Variants in GLRA1 observed in about 807,000 individuals in gnomAD.
GLRA1 encodes glycine receptor subunit alpha-1.
A neutral mutation model predicts 48.3 loss-of-function variants in GLRA1; 37 were observed. The observed-to-expected ratio is 0.77, with a 90% confidence interval of 0.59 to 1.01. The LOEUF (loss-of-function observed/expected upper bound fraction) is 1.01. GLRA1 is among the 50% of genes least tolerant of loss of function. GLRA1 has a pLI of 0.00. For missense variants in GLRA1, 427 were observed against 571.0 expected (o/e 0.75, Z 2.57); for synonymous variants, 196 against 210.7 (o/e 0.93, Z 0.60).
At chr5:151,883,273 T>C (rs191852753) in intron 3 of GLRA1, among the ~76,000 whole-genome samples, 129 of 152,346 alleles carry the variant, frequency 8.5e-4, no homozygotes, top group Non-Finnish European at 1.6e-3. Flanking sequence ...TTACTTACTA[T>C]TTTCTCTTGA....
At position 151,846,101 on chromosome 5, in the gene GLRA1, C is replaced by T. The variant is rs1050448132; in HGVS notation, c.912+5289G>A. On this transcript the variant is annotated intron_variant, in intron 7 of 8. Coordinates refer to ENST00000274576, the MANE Select transcript of GLRA1 (RefSeq NM_000171.4). ...GTGACTGTTGGAGGGTATGGATTTT[C>T]TTTCTGGGTGATGAAAATGTTCTGG... Among the ~76,000 whole-genome samples, 4 of 152,224 alleles carry T rather than the reference C, an allele frequency of 2.6e-5. No homozygotes were observed. The East Asian group carries it at 7.7e-4, about 29-fold the overall frequency.
At chr5:151,888,199 C>T (rs1226886113) in intron 2 of GLRA1, among the ~76,000 whole-genome samples, 2 of 152,004 alleles carry the variant, frequency 1.3e-5, no homozygotes, top group South Asian at 2.1e-4. Context: ...CTCTGGCACC[C>T]ATTGCATTCT....
At chr5:151,901,049 TAGTC>T (rs972912731) in intron 1 of GLRA1, among the ~76,000 whole-genome samples, 3 of 152,202 alleles carry the variant, frequency 2.0e-5, no homozygotes, top group South Asian at 2.1e-4. Context: ...CTGATACTCT[TAGTC>T]AGCCCCTGGG....
intron 8 of GLRA1, among the ~76,000 whole-genome samples, chr5:151,828,326 T>A (rs1763332413): frequency 3.9e-5 from 6 of 152,178 alleles, no homozygotes. Flanking sequence ...GGCTGCATGC[T>A]CCCCATTGGC....
intron 3 of GLRA1, among the ~76,000 whole-genome samples, chr5:151,861,039 C>G (rs569626025): frequency 6.6e-6 from 1 of 152,332 alleles, no homozygotes; most frequent in South Asian, 2.1e-4. Flanking sequence ...ATCCGTGTCC[C>G]TATAAAGGAC....
chr5:151,836,625 C>G (rs943142273), intron 7 of GLRA1, among the ~76,000 whole-genome samples: 3 of 152,154 alleles, frequency 2.0e-5, no homozygotes, highest in African/African-American at 7.2e-5. Flanking sequence ...ACCAACGGAA[C>G]AGAACAGAGG....
intron 1 of GLRA1, among the ~76,000 whole-genome samples, chr5:151,895,514 A>C: frequency 6.6e-6 from 1 of 152,170 alleles, no homozygotes; most frequent in East Asian, 1.9e-4. Flanking sequence ...TACCTGTCAA[A>C]TGAGGTAAGG....
chr5:151,849,908 C>A, intron 7 of GLRA1: 1 of 1,528,384 alleles, frequency 6.5e-7, no homozygotes, highest in Non-Finnish European at 8.8e-7. Flanking sequence ...CAGTGACATG[C>A]ATTTCATGCC....
At chr5:151,837,672 A>C (rs1763612240) in intron 7 of GLRA1, among the ~76,000 whole-genome samples, 1 of 152,218 alleles carries the variant, frequency 6.6e-6, no homozygotes, top group African/African-American at 2.4e-5. Context: ...GACATGGATG[A>C]AGCTGGAAAC....
In GLRA1 at chr5:151,839,533, C is replaced by T. The variant is rs892511779; in HGVS notation, c.913-10466G>A. ...ATATAGGAGCAAAGTTTTTTGCGTA[C>T]TGTTTGTTATGAACTGAATATTTGT... On this transcript the variant is annotated intron_variant, in intron 7 of 8. Transcript: ENST00000274576. Among the ~76,000 whole-genome samples the T allele has an allele frequency of 6.6e-5, 10 of 152,206 alleles. 1 individual carries two copies. The South Asian group carries it at 2.1e-3, about 32-fold the overall frequency.
intron 1 of GLRA1, among the ~76,000 whole-genome samples, chr5:151,910,359 A>C (rs1187863439): frequency 1.3e-5 from 2 of 152,240 alleles, no homozygotes; most frequent in African/African-American, 4.8e-5. Flanking sequence ...TATTACAGGA[A>C]TATTTAATGC....
At chr5:151,917,384 T>G (rs1010293065) in intron 1 of GLRA1, among the ~76,000 whole-genome samples, 1 of 152,194 alleles carries the variant, frequency 6.6e-6, no homozygotes, top group African/African-American at 2.4e-5. Context: ...TCTGAGAGAT[T>G]CTGTTTCAGT....
intron 8 of GLRA1, among the ~76,000 whole-genome samples, chr5:151,827,561 C>G (rs958206486): frequency 5.9e-5 from 9 of 152,294 alleles, no homozygotes; most frequent in Non-Finnish European, 1.2e-4. Context: ...ACATGAAGAA[C>G]CTGGGCCCAA....
chr5:151,843,653 C>A (rs1752575360), intron 7 of GLRA1, among the ~76,000 whole-genome samples: 2 of 152,150 alleles, frequency 1.3e-5, no homozygotes, highest in African/African-American at 2.4e-5. Flanking sequence ...GGAGGACTCA[C>A]ACTTCCAAAT....
chr5:151,912,443 CA>C (rs1436837936), intron 1 of GLRA1, among the ~76,000 whole-genome samples: 1 of 152,098 alleles, frequency 6.6e-6, no homozygotes, highest in Non-Finnish European at 1.5e-5. Context: ...TGCAATGGCT[CA>C]GATGTTTTGA....
At chr5:151,893,348 CTTTCTTT>C (rs1561575155) in intron 1 of GLRA1, among the ~76,000 whole-genome samples, 11 of 143,810 alleles carry the variant, frequency 7.6e-5, no homozygotes, top group South Asian at 2.3e-4. Context: ...TTCTTTCTTT[CTTTCTTT>C]CTTTCATTTT....
At chr5:151,889,744 T>A (rs576487862) in intron 2 of GLRA1, among the ~76,000 whole-genome samples, 8 of 151,792 alleles carry the variant, frequency 5.3e-5, no homozygotes, top group Non-Finnish European at 8.8e-5. Context: ...TTGTATGGGG[T>A]TTTAGGGAAT....
In GLRA1 at chr5:151,894,972, G is replaced by A. The variant is rs116085177; in HGVS notation, c.57-2534C>T. 4.0e-3 allele frequency among the ~76,000 whole-genome samples: 604 copies of A among 152,328 alleles called. 3 individuals carry two copies. The highest frequency in any genetic ancestry group is 6.8e-3 in the Middle Eastern group (2 of 294). ...TGGGGAACTAATTTTGATGGACAGG[G>A]TGAGGAACAAATGCACTTTAGTTTC... On this transcript the variant is annotated intron_variant, in intron 1 of 8. Transcript: ENST00000274576.
chr5:151,911,314 C>T (rs1336227645), intron 1 of GLRA1, among the ~76,000 whole-genome samples: 1 of 152,204 alleles, frequency 6.6e-6, no homozygotes, highest in Non-Finnish European at 1.5e-5. Flanking sequence ...TAATCAGGCT[C>T]TTTTGTATGC....
Sources: allele counts gnomAD v4.1 joint callset (sites outside exome capture counted in the v4.1 genomes callset), GRCh38; gene constraint gnomAD v4.1.1; transcripts MANE v1.5; gene names NCBI Gene and HGNC (gene_info 2026-07-23, HGNC 2026-07-21).